The following EPHA6 variants were observed in gnomAD, a reference collection of about 807,000 sequenced individuals.
The protein encoded by EPHA6 is EPH receptor A6, also known as ephrin type-A receptor 6.
EPHA6 carries 50 observed loss-of-function variants against 112.0 expected under a neutral mutation model. That is an observed-to-expected ratio of 0.45 (90% confidence interval 0.36 to 0.56). The LOEUF (loss-of-function observed/expected upper bound fraction) is 0.56, where lower values mean the gene tolerates loss of function less well. Among genes scored for constraint, EPHA6 ranks in the 20% least tolerant of loss-of-function variants. EPHA6 has a pLI of 0.00. For missense variants in EPHA6, 1,280 were observed against 1,417.4 expected (o/e 0.90, Z 1.56); for synonymous variants, 529 against 490.7 (o/e 1.08, Z -1.03).
chr3:97,197,562 T>G (rs1237339687), intron 3 of EPHA6, among the ~76,000 whole-genome samples: 1 of 151,754 alleles, frequency 6.6e-6, no homozygotes, highest in East Asian at 2.0e-4. Context: ...AAAACAATGT[T>G]CTCTCCTTTC....
intron 3 of EPHA6, among the ~76,000 whole-genome samples, chr3:97,091,779 T>C (rs904927866): frequency 6.6e-6 from 1 of 152,198 alleles, no homozygotes; most frequent in Admixed American, 6.6e-5. Context: ...AAAGGCCATG[T>C]ATTTTTCTTG....
chr3:97,665,347 G>T (rs1206493266), intron 14 of EPHA6, among the ~76,000 whole-genome samples: 1 of 152,134 alleles, frequency 6.6e-6, no homozygotes, highest in Non-Finnish European at 1.5e-5. Flanking sequence ...TTAAATGTTA[G>T]ACCTAAAACC....
intron 2 of EPHA6, 146 bp downstream of exon 2, chr3:96,867,035 G>T: frequency 2.2e-6 from 1 of 448,316 alleles, no homozygotes. Flanking sequence ...AATACAATTA[G>T]AACTGGTAAT....
intron 6 of EPHA6, among the ~76,000 whole-genome samples, chr3:97,433,077 A>ATATCCTCC (rs2089615420): frequency 6.6e-6 from 1 of 152,168 alleles, no homozygotes; most frequent in Non-Finnish European, 1.5e-5. Context: ...TACGGCATAG[A>ATATCCTCC]TATCCTCCTA....
At chr3:97,052,504 T>A (rs1349285034) in intron 3 of EPHA6, among the ~76,000 whole-genome samples, 3 of 152,120 alleles carry the variant, frequency 2.0e-5, no homozygotes, top group Non-Finnish European at 4.4e-5. Context: ...CCCTTAACAA[T>A]GTCTGCAACA....
At chr3:97,481,752 A>G (rs1019742629) in intron 9 of EPHA6, among the ~76,000 whole-genome samples, 3 of 146,528 alleles carry the variant, frequency 2.0e-5, no homozygotes, top group Non-Finnish European at 4.5e-5. Flanking sequence ...CTGCACTGGC[A>G]GAGCTGAGAG....
rs2036127872 is a variant in EPHA6 at position 97,760,340 on chromosome 3, ATATATATATATTATATATATG to A, written c.*11648_*11668del. On this transcript the variant is annotated 3_prime_UTR_variant, in exon 18 of 18. Transcript: ENST00000389672. Reference sequence around the variant, plus strand: ...CTTGGTGCTTTGTTTCTGGAGATATATATATATATATTATATATATGTATATATACCATATGTATATATACA... The same window carrying A: ...CTTGGTGCTTTGTTTCTGGAGATATATATATATACCATATGTATATATACA... 1 of 158,646 alleles carries A rather than the reference ATATATATATATTATATATATG, an allele frequency of 6.3e-6. No individual in the cohort carries two copies. Among genetic ancestry groups the A allele is most frequent in the Non-Finnish European group, 1.4e-5 (1 of 73,784 alleles). 9.8% of individuals were successfully genotyped at this position (158,646 alleles called of 1,614,324 possible).
chr3:97,556,274 A>G (rs1485884613), intron 11 of EPHA6, among the ~76,000 whole-genome samples: 1 of 152,038 alleles, frequency 6.6e-6, no homozygotes, highest in Non-Finnish European at 1.5e-5. Context: ...ATCTGTGAAT[A>G]TGAAAACTTC....
At chr3:97,555,482 C>G (rs1239794724) in intron 11 of EPHA6, among the ~76,000 whole-genome samples, 1 of 152,086 alleles carries the variant, frequency 6.6e-6, no homozygotes, top group Non-Finnish European at 1.5e-5. Flanking sequence ...ATTTCTAGTT[C>G]TAGATCCCTG....
At chr3:97,718,228 C>A (rs1199307626) in intron 14 of EPHA6, among the ~76,000 whole-genome samples, 2 of 152,114 alleles carry the variant, frequency 1.3e-5, no homozygotes, top group African/African-American at 2.4e-5. Context: ...CACAAACATA[C>A]AATAAAACAA....
chr3:97,395,523 C>T (rs1409129029), intron 5 of EPHA6, among the ~76,000 whole-genome samples: 1 of 151,740 alleles, frequency 6.6e-6, no homozygotes, highest in Admixed American at 6.6e-5. Context: ...CAGAAAGAAA[C>T]ACTGTTGTGT....
rs937891349 is a variant in EPHA6, at chr3:97,761,097, A to T, written c.*12396A>T. 1 of 206,544 alleles carries T rather than the reference A, an allele frequency of 4.8e-6. No individual in the cohort carries two copies. Among genetic ancestry groups the T allele is most frequent in the Non-Finnish European group, 9.9e-6 (1 of 101,142 alleles). 12.8% of individuals were successfully genotyped at this position (206,544 alleles called of 1,614,324 possible). A position where few individuals can be genotyped will look rare whatever the true frequency, so the allele number is the denominator to read the frequency against. On this transcript the variant is annotated 3_prime_UTR_variant, in exon 18 of 18. Transcript: ENST00000389672. ...TGGTAGAGCTATAAACAAGGTAAAAAGGTGTTAACAATTGAACTGCAATCC... is the reference window on the plus strand; with the variant it reads ...TGGTAGAGCTATAAACAAGGTAAAATGGTGTTAACAATTGAACTGCAATCC...
rs371487920 is a variant in EPHA6, at chr3:97,755,954, T to G, written c.*7253T>G. 6.6e-6 allele frequency among the ~76,000 whole-genome samples: 1 copy of G among 152,100 alleles called. No individual in the cohort carries two copies. Among genetic ancestry groups the G allele is most frequent in the South Asian group, 2.1e-4 (1 of 4,834 alleles). On this transcript the variant is annotated 3_prime_UTR_variant, in exon 18 of 18. Transcript: ENST00000389672. The stretch of plus-strand genomic sequence containing the variant: ...GTAAAATGTCCTCTTCCACTGCTTT[T>G]ATAATTAAAAATCTCTTTCCTACCT...
intron 10 of EPHA6, among the ~76,000 whole-genome samples, chr3:97,493,254 A>ATG (rs1200395174): frequency 2.0e-5 from 3 of 150,688 alleles, no homozygotes; most frequent in South Asian, 2.1e-4. Context: ...TTGTGTTTGT[A>ATG]TGTGTGTGTG....
intron 11 of EPHA6, among the ~76,000 whole-genome samples, chr3:97,581,365 A>G (rs1411022243): frequency 1.3e-5 from 2 of 152,226 alleles, no homozygotes; most frequent in East Asian, 3.8e-4. Flanking sequence ...TTTAGAAGCA[A>G]AACATGGGTA....
At chr3:97,491,675 G>A (rs1042342105) in intron 10 of EPHA6, among the ~76,000 whole-genome samples, 1 of 148,752 alleles carries the variant, frequency 6.7e-6, no homozygotes, top group African/African-American at 2.5e-5. Flanking sequence ...ATGGCCTTGT[G>A]TATAGGGTAT....
chr3:97,519,115 C>T (rs1577648897), intron 10 of EPHA6, among the ~76,000 whole-genome samples: 1 of 152,196 alleles, frequency 6.6e-6, no homozygotes, highest in South Asian at 2.1e-4. Flanking sequence ...CTTCTATTAG[C>T]TTTATGGCTT....
chr3:97,156,833 G>T (rs903315512), intron 3 of EPHA6, among the ~76,000 whole-genome samples: 2 of 152,048 alleles, frequency 1.3e-5, no homozygotes, highest in African/African-American at 4.8e-5. Flanking sequence ...AGGTATTCCA[G>T]TGTTTGAAAA....
At chr3:97,623,204 C>G (rs967429243) in intron 13 of EPHA6, among the ~76,000 whole-genome samples, 1 of 151,728 alleles carries the variant, frequency 6.6e-6, no homozygotes, top group Non-Finnish European at 1.5e-5. Flanking sequence ...AGGTTTTGCA[C>G]TGTGTTTTCT....
Sources: gnomAD v4.1 joint callset for allele counts (sites outside exome capture counted in the v4.1 genomes callset) on GRCh38, gnomAD v4.1.1 for gene constraint, MANE v1.5 for transcripts, NCBI Gene and HGNC (gene_info 2026-07-23, HGNC 2026-07-21) for gene names.